Variants in POLR3E observed in about 807,000 individuals in gnomAD.
POLR3E encodes the protein RNA polymerase III subunit E, also known as DNA-directed RNA polymerase III subunit RPC5.
A neutral mutation model predicts 96.6 loss-of-function variants in POLR3E; 41 were observed. The ratio of observed to expected loss-of-function variants is 0.42; its 90% confidence interval spans 0.33 to 0.55. The LOEUF (loss-of-function observed/expected upper bound fraction) is 0.55, where lower values mean the gene tolerates loss of function less well. Ranked by LOEUF, POLR3E falls within the 20% of genes least tolerant of loss-of-function variation. The pLI, the probability that POLR3E is intolerant of heterozygous loss-of-function variation, is 0.06. For synonymous variants in POLR3E, 396 were observed against 383.6 expected, an observed-to-expected ratio of 1.03 and a Z score of -0.38; for missense variants, 849 against 952.1, an observed-to-expected ratio of 0.89 and a Z score of 1.43.
chr16:22,310,391 A>T (rs2048220893), intron 6 of POLR3E: 3 of 152,492 alleles, frequency 2.0e-5, no homozygotes, highest in Admixed American at 2.0e-4. Flanking sequence ...GGTTCAAGCG[A>T]TTCTCCTGCC....
Position 22,315,136 on chromosome 16 carries a change from G to A in POLR3E, c.570G>A (p.Val190=). Residue 190 remains valine (V), a synonymous_variant, in exon 9 of 21, where the codon GTG becomes GTA. Transcript: ENST00000299853. The part of the protein sequence containing the change: ...PESEQARQRR[V]QSYEFLQKKH... ...CAGAGCAGGCCCGCCAGCGCCGTGT[G>A]CAGTCCTATGAGTTCCTGCAGAAGA... 1.9e-6 allele frequency: 3 copies of A among 1,613,134 alleles called. No homozygotes were observed. The highest frequency in any genetic ancestry group is 2.5e-6 in the Non-Finnish European group (3 of 1,179,680).
At chr16:22,299,060 C>T (rs1051049708) in intron 1 of POLR3E, 3 of 455,786 alleles carry the variant, frequency 6.6e-6, no homozygotes, top group Non-Finnish European at 8.8e-6. Context: ...AAGATGAGAC[C>T]CACCAAGGAA....
intron 19 of POLR3E, 50 bp downstream of exon 19, chr16:22,328,637 G>A: frequency 6.6e-7 from 1 of 1,518,384 alleles, no homozygotes; most frequent in South Asian, 1.1e-5. Context: ...GGGGTTTCCT[G>A]CAGCGTTGGA....
At chr16:22,332,782 T>G (rs893371358) in intron 20 of POLR3E, among the ~76,000 whole-genome samples, 4 of 152,046 alleles carry the variant, frequency 2.6e-5, no homozygotes, top group African/African-American at 9.7e-5. Flanking sequence ...GCACCTAATG[T>G]ACAACCTATA....
intron 18 of POLR3E, chr16:22,327,386 CCTTT>C (rs1162724857): frequency 6.6e-6 from 1 of 152,288 alleles, no homozygotes; most frequent in African/African-American, 2.4e-5. Flanking sequence ...CACAAGCTCA[CCTTT>C]CTTCATGAGC....
intron 6 of POLR3E, chr16:22,309,746 A>G (rs1240994440): frequency 1.7e-5 from 10 of 576,702 alleles, no homozygotes; most frequent in Middle Eastern, 4.6e-4. Flanking sequence ...CTCCAAGTTC[A>G]TTTGTCCTCC....
At position 22,297,527 on chromosome 16, in the gene POLR3E, C is replaced by T; in HGVS notation, c.-49C>T. ...CCGTTGCCGCCGTCCGCGCTCGGCC[C>T]CCGCGGAGAGGTGAGTCCCGTCTTG... On this transcript the variant is annotated 5_prime_UTR_variant, in exon 1 of 21. Transcript: ENST00000299853. 6.6e-6 allele frequency: 1 copy of T among 152,460 alleles called. No individual in the cohort carries two copies. Among genetic ancestry groups the T allele is most frequent in the Non-Finnish European group, 1.5e-5 (1 of 68,210 alleles). The allele number at this position is 152,460 out of a possible 1,614,324, so 9.4% of individuals were successfully genotyped here.
chr16:22,309,346 C>G (rs77847928), intron 5 of POLR3E, 82 bp from the exon 6 acceptor site: 15,264 of 1,065,950 alleles, frequency 0.014, 739 homozygotes, highest in East Asian at 0.14. Flanking sequence ...CAGAAAGTGT[C>G]TAGGGGGTGG....
At chr16:22,333,452 C>CA (rs1187205264) in intron 20 of POLR3E, among the ~76,000 whole-genome samples, 192 bp from the exon 21 acceptor site, 1,670 of 102,742 alleles carry the variant, frequency 0.016, 15 homozygotes, top group African/African-American at 0.03. Flanking sequence ...AACTCTGTTT[C>CA]AAAAAAAAAA....
In POLR3E at chr16:22,332,163, A is replaced by G. The variant is rs777777289; in HGVS notation, c.2048A>G (p.Gln683Arg). The change falls in exon 20 of 21, where the codon CAG becomes CGG. Residue 683 changes from glutamine (Q) to arginine (R), a missense_variant. Transcript: ENST00000299853. ...TQECGEDLSK[Q>R]EVDKVLKDCC... ...GAGTGTGGAGAAGATCTCAGTAAACAGGAGGTGGATAAAGTACTAAAGGTA... is the reference window on the plus strand; with the variant it reads ...GAGTGTGGAGAAGATCTCAGTAAACGGGAGGTGGATAAAGTACTAAAGGTA... 1 of 1,613,628 alleles carries G rather than the reference A, an allele frequency of 6.2e-7. No homozygotes were observed. The highest frequency in any genetic ancestry group is 8.5e-7 in the Non-Finnish European group (1 of 1,179,550).
intron 20 of POLR3E, among the ~76,000 whole-genome samples, 184 bp downstream of exon 20, chr16:22,332,369 T>A (rs1433949757): frequency 6.6e-6 from 1 of 152,326 alleles, no homozygotes; most frequent in East Asian, 1.9e-4. Context: ...GAAGGGGGTA[T>A]GTGCCAGAGG....
At chr16:22,331,816 T>C (rs1454515802) in intron 19 of POLR3E, 4 of 396,814 alleles carry the variant, frequency 1.0e-5, no homozygotes, top group African/African-American at 8.3e-5. Flanking sequence ...TATACCTTTG[T>C]TTTTATTTAT....
chr16:22,318,753 G>A lies in POLR3E; in HGVS notation c.866-73G>A. 1 of 1,532,020 alleles carries A rather than the reference G, an allele frequency of 6.5e-7. No homozygotes were observed. The highest frequency in any genetic ancestry group is 8.9e-7 in the Non-Finnish European group (1 of 1,123,674). The allele number at this position is 1,532,020 out of a possible 1,614,324, so 94.9% of individuals were successfully genotyped here. ...GGTTATTACATGAACTTGAAGCTATGCGGACTCTCGGTGGAGGGGAGGGAA... is the reference window on the plus strand; with the variant it reads ...GGTTATTACATGAACTTGAAGCTATACGGACTCTCGGTGGAGGGGAGGGAA... On this transcript the variant is annotated intron_variant, in intron 12 of 20. Transcript: ENST00000299853. The surrounding 1 kb of genome is among the most constrained non-coding windows in gnomAD (Gnocchi z 5.0).
chr16:22,317,003 T>C lies in POLR3E; in HGVS notation c.737T>C (p.Leu246Pro), dbSNP rs2048369195. The change falls in exon 11 of 21, where the codon CTG becomes CCG. Residue 246 changes from leucine (L) to proline (P), a missense_variant. Physicochemically the swap from Leu to Pro is moderately conservative, Grantham distance 98 (BLOSUM62 -3). Transcript: ENST00000299853. ...TELVKSPSEY[L>P]MMLMPPSQEE... is the part of the protein sequence containing the mutation. ...CTGCCATGTCCCTGCAGTGAGTACC[T>C]GATGATGCTGATGCCACCCAGCCAG... 1 of 1,614,014 alleles carries C rather than the reference T, an allele frequency of 6.2e-7. No individual in the cohort carries two copies. Among genetic ancestry groups the C allele is most frequent in the Non-Finnish European group, 8.5e-7 (1 of 1,179,968 alleles).
chr16:22,309,691 T>C (rs2048206699), intron 6 of POLR3E, 181 bp downstream of exon 6: 1 of 628,252 alleles, frequency 1.6e-6, no homozygotes, highest in Non-Finnish European at 2.9e-6. Flanking sequence ...AGTGGCCACC[T>C]TTGTGGACTG....
intron 14 of POLR3E, among the ~76,000 whole-genome samples, chr16:22,323,232 TA>T (rs1011027673): frequency 6.6e-6 from 1 of 151,960 alleles, no homozygotes; most frequent in African/African-American, 2.4e-5. Flanking sequence ...AATTTTGATG[TA>T]AAAAAAATCT....
At chr16:22,325,650 T>G in intron 17 of POLR3E, 111 bp from the exon 18 acceptor site, 2 of 1,280,860 alleles carry the variant, frequency 1.6e-6, no homozygotes, top group Non-Finnish European at 2.1e-6. Context: ...TCGAGAAAGG[T>G]TGGGGATGAG....
In POLR3E at chr16:22,315,214, C is replaced by T. The variant is rs571711792; in HGVS notation, c.642+6C>T. 8.9e-6 allele frequency: 14 copies of T among 1,580,202 alleles called. No homozygotes were observed. Among genetic ancestry groups the T allele is most frequent in the East Asian group, 2.3e-5 (1 of 42,996 alleles). ...TGCATTACTATGGCCTGAGGGTGAG[C>T]GGGGCTTCGTGGGGTCCTGGGGGAA... On this transcript the variant is annotated splice_donor_region_variant and intron_variant, in intron 9 of 20. Transcript: ENST00000299853.
At chr16:22,330,925 C>T (rs1028488227) in intron 19 of POLR3E, among the ~76,000 whole-genome samples, 6 of 143,052 alleles carry the variant, frequency 4.2e-5, no homozygotes, top group South Asian at 2.3e-4. Context: ...TCTATTTTTA[C>T]GTGATCAAAT....
Sources: gnomAD v4.1 joint callset for allele counts (sites outside exome capture counted in the v4.1 genomes callset) on GRCh38, gnomAD v4.1.1 for gene constraint, Gnocchi (gnomAD v3.1) non-coding constraint, MANE v1.5 for transcripts, NCBI Gene and HGNC (gene_info 2026-07-23, HGNC 2026-07-21) for gene names.